NMT2: variants seen among roughly 807,000 people sequenced by gnomAD.
The protein encoded by NMT2 is N-myristoyltransferase 2, also known as glycylpeptide N-tetradecanoyltransferase 2.
NMT2 carries 35 observed loss-of-function variants against 65.4 expected under a neutral mutation model. The observed-to-expected ratio is 0.54, with a 90% CI of 0.41 to 0.71. The LOEUF (loss-of-function observed/expected upper bound fraction) is 0.71. NMT2 is among the 30% of genes least tolerant of loss of function. The pLI, the probability that NMT2 is intolerant of heterozygous loss-of-function variation, is 0.00. For synonymous variants in NMT2, 226 were observed against 231.8 expected, an observed-to-expected ratio of 0.98 and a Z score of 0.23; for missense variants, 489 against 611.3, an observed-to-expected ratio of 0.80 and a Z score of 2.11.
chr10:15,119,391 G>T lies in NMT2; in HGVS notation c.1122C>A (p.Ala374=). 6.2e-7 allele frequency: 1 copy of T among 1,614,112 alleles called. No homozygotes were observed. Among genetic ancestry groups the T allele is most frequent in the Non-Finnish European group, 8.5e-7 (1 of 1,180,008 alleles). ...TGTGCTCCCGGGGGAGGAACCAGTG[G>T]GCTACTTCCTCTTCATCCATCACTG... ...LAPVMDEEEV[A]HWFLPREHII... The change falls in exon 9 of 12, where the codon GCC becomes GCA. Residue 374 remains alanine, a synonymous_variant. Coordinates refer to ENST00000378165, the MANE Select transcript of NMT2 (RefSeq NM_004808.3).
chr10:15,137,793 A>T lies in NMT2; in HGVS notation c.247-2375T>A, dbSNP rs571902171. ...CTTCTAACAGTAATATATCAAACTC[A>T]AACTATTTTGCAACAGACATGAATC... is the stretch of plus-strand genomic sequence containing the variant. On this transcript the variant is annotated intron_variant, in intron 2 of 11. Transcript: ENST00000378165. Among the ~76,000 whole-genome samples the T allele has an allele frequency of 1.1e-4, 17 of 152,232 alleles. No individual in the cohort carries two copies. In the South Asian group the frequency reaches 3.5e-3, roughly 32 times the overall value.
chr10:15,153,731 G>A (rs1371951317), intron 1 of NMT2, among the ~76,000 whole-genome samples: 1 of 151,906 alleles, frequency 6.6e-6, no homozygotes, highest in Non-Finnish European at 1.5e-5. Context: ...CTCACTGCAA[G>A]CTCCGCCTCC....
intron 8 of NMT2, among the ~76,000 whole-genome samples, chr10:15,124,926 C>G (rs1057132005): frequency 2.6e-5 from 4 of 152,172 alleles, no homozygotes; most frequent in Non-Finnish European, 5.9e-5. Context: ...TCTTGACAAT[C>G]GTCCTTTTCT....
At chr10:15,151,236 T>C (rs1352277138) in intron 1 of NMT2, among the ~76,000 whole-genome samples, 3 of 152,124 alleles carry the variant, frequency 2.0e-5, no homozygotes, top group Middle Eastern at 3.2e-3. Flanking sequence ...TTTGTATTTT[T>C]AGTAGAGACG....
rs1309274401 is a variant in NMT2, at chr10:15,127,495, C to T, written c.999+855G>A. Among the ~76,000 whole-genome samples the T allele has an allele frequency of 2.4e-5, 3 of 125,696 alleles. No individual in the cohort carries two copies. The South Asian group carries it at 7.9e-4, about 33-fold the overall frequency. The allele number at this position is 125,696 out of a possible 152,430, so 82.5% of individuals were successfully genotyped here. A position where few individuals can be genotyped will look rare whatever the true frequency, so the allele number is the denominator to read the frequency against. The stretch of plus-strand genomic sequence containing the variant: ...CCAGGAGGTGGAGCTTGCAGTGAGC[C>T]GAGATCCCGCCACTGCACTCCAGCC... On this transcript the variant is annotated intron_variant, in intron 8 of 11. Transcript: ENST00000378165.
chr10:15,127,560 A>ATT (rs1187772552), intron 8 of NMT2, among the ~76,000 whole-genome samples: 1 of 95,164 alleles, frequency 1.1e-5, no homozygotes, highest in Non-Finnish European at 1.8e-5. Context: ...AAAAAAAAAA[A>ATT]AAAAAAAAAA....
intron 9 of NMT2, among the ~76,000 whole-genome samples, chr10:15,117,222 G>A (rs1845775256): frequency 6.6e-6 from 1 of 152,158 alleles, no homozygotes; most frequent in Non-Finnish European, 1.5e-5. Context: ...TATTTTCTAG[G>A]AATGTAAGAG....
chr10:15,138,502 C>G (rs1239890824), intron 2 of NMT2: 2 of 470,928 alleles, frequency 4.2e-6, no homozygotes, highest in Non-Finnish European at 8.8e-6. Flanking sequence ...ATTAACTTCC[C>G]ACGATTCCAC....
Position 15,108,448 on chromosome 10 carries a change from G to A in NMT2, c.*747C>T, listed in dbSNP as rs1345973897. ...GATCTGCCCACCTTGGCCTCCCAAA[G>A]TGCTGGGATTACAGGCGTGAGCCAC... On this transcript the variant is annotated 3_prime_UTR_variant, in exon 12 of 12. Coordinates refer to ENST00000378165, the MANE Select transcript of NMT2 (RefSeq NM_004808.3). The A allele has an allele frequency of 1.1e-6, 1 of 936,524 alleles. No individual in the cohort carries two copies. Among genetic ancestry groups the A allele is most frequent in the Admixed American group, 6.2e-5 (1 of 16,134 alleles). 58.0% of individuals were successfully genotyped at this position (936,524 alleles called of 1,614,324 possible).
chr10:15,162,860 A>G (rs1040206497), intron 1 of NMT2, among the ~76,000 whole-genome samples: 24 of 148,272 alleles, frequency 1.6e-4, no homozygotes, highest in South Asian at 1.3e-3. Context: ...ATATTTATAT[A>G]TCTATATATT....
In NMT2 at chr10:15,112,807, G is replaced by C. The variant is rs75252972; in HGVS notation, c.1327C>G (p.Leu443Val). 2 of 1,612,430 alleles carry C rather than the reference G, an allele frequency of 1.2e-6. No homozygotes were observed. Among genetic ancestry groups the C allele is most frequent in the South Asian group, 1.1e-5 (1 of 90,868 alleles). The change falls in exon 10 of 12, where the codon CTG becomes GTG. Residue 443 changes from leucine (L) to valine (V), a missense_variant. Coordinates refer to ENST00000378165, the MANE Select transcript of NMT2 (RefSeq NM_004808.3). ...AAGGAGTGGCTTACCGATTTAGCCA[G>C]GATGAGCGCGTCGCTCATGAGGTCC... ...LLDLMSDALI[L>V]AKSKGFDVFN...
chr10:15,153,545 C>T (rs1394754585), intron 1 of NMT2, among the ~76,000 whole-genome samples: 2 of 152,250 alleles, frequency 1.3e-5, no homozygotes, highest in African/African-American at 4.8e-5. Context: ...TACCACACAG[C>T]TGACCTCTGA....
rs370428049 is a variant in NMT2, at chr10:15,114,422, A to C, written c.1171-1459T>G. Among the ~76,000 whole-genome samples, 10 of 152,238 alleles carry C rather than the reference A, an allele frequency of 6.6e-5. 1 individual carries two copies. In the East Asian group the frequency reaches 1.9e-3, roughly 29 times the overall value. On this transcript the variant is annotated intron_variant, in intron 9 of 11. Coordinates refer to ENST00000378165, the MANE Select transcript of NMT2 (RefSeq NM_004808.3). ...ATCTTTCCATTGTCCCTCACACCCA[A>C]TCAATTGTAAAGACTGATAAAAAAC...
At chr10:15,121,114 C>T (rs1263251699) in intron 8 of NMT2, among the ~76,000 whole-genome samples, 1 of 152,132 alleles carries the variant, frequency 6.6e-6, no homozygotes, top group Non-Finnish European at 1.5e-5. Context: ...CAATTTTAAA[C>T]TGAGAAATAC....
At position 15,109,781 on chromosome 10, in the gene NMT2, T is replaced by C. The variant is rs1181693924; in HGVS notation, c.1397A>G (p.Lys466Arg). The change falls in exon 11 of 12, where the codon AAA (lysine) becomes AGA (arginine). Residue 466 changes from lysine (K) to arginine (R), a missense_variant. By Grantham distance (26) the Lys-to-Arg change is conservative (BLOSUM62 2). Coordinates refer to ENST00000378165, the MANE Select transcript of NMT2 (RefSeq NM_004808.3). ...DLMENKTFLEKLKFGIGDGNL... is the reference protein window; with the variant it reads ...DLMENKTFLERLKFGIGDGNL... ...GCCATCTCCTATACCAAACTTGAGT[T>C]TTTCCAAGAATGTCTTATTTTCCAT... 6.2e-7 allele frequency: 1 copy of C among 1,613,628 alleles called. No homozygotes were observed. Among genetic ancestry groups the C allele is most frequent in the Admixed American group, 1.7e-5 (1 of 59,956 alleles).
chr10:15,160,600 C>T (rs888799581), intron 1 of NMT2, among the ~76,000 whole-genome samples: 1 of 151,842 alleles, frequency 6.6e-6, no homozygotes. Context: ...GTGGTGAAAC[C>T]CCGTCTCTAC....
At chr10:15,111,219 A>C (rs1845502285) in intron 10 of NMT2, among the ~76,000 whole-genome samples, 3 of 151,906 alleles carry the variant, frequency 2.0e-5, no homozygotes, top group Admixed American at 2.0e-4. Context: ...AAGACTTTAA[A>C]TAGTATGCAG....
intron 1 of NMT2, among the ~76,000 whole-genome samples, chr10:15,147,012 G>A (rs1399165377): frequency 1.4e-5 from 2 of 146,744 alleles, no homozygotes; most frequent in African/African-American, 2.5e-5. Flanking sequence ...AGGATCACCT[G>A]AGCCCAGGAG....
At chr10:15,143,181 C>G (rs1449209759) in intron 1 of NMT2, among the ~76,000 whole-genome samples, 2 of 152,180 alleles carry the variant, frequency 1.3e-5, no homozygotes, top group Non-Finnish European at 2.9e-5. Flanking sequence ...TTGTTTCAAC[C>G]TCAATGGTAA....
Sources: gnomAD v4.1 joint callset for allele counts (sites outside exome capture counted in the v4.1 genomes callset) on GRCh38, gnomAD v4.1.1 for gene constraint, MANE v1.5 for transcripts, NCBI Gene and HGNC (gene_info 2026-07-23, HGNC 2026-07-21) for gene names.